Variants in KCNN2 observed in about 807,000 individuals in gnomAD.
The protein encoded by KCNN2 is small conductance calcium-activated potassium channel protein 2.
KCNN2 carries 24 observed loss-of-function variants against 55.5 expected under a neutral mutation model. The ratio of observed to expected loss-of-function variants is 0.43; its 90% CI spans 0.31 to 0.61. The LOEUF (loss-of-function observed/expected upper bound fraction) is 0.61, where lower values mean the gene tolerates loss of function less well. Among genes scored for constraint, KCNN2 ranks in the 20% least tolerant of loss-of-function variants. KCNN2 has a pLI of 0.08. For synonymous variants in KCNN2, 431 were observed against 336.1 expected (o/e 1.28, Z -3.09); for missense variants, 754 against 853.6 (o/e 0.88, Z 1.45).
At chr5:114,468,069 C>T (rs1202607237) in intron 4 of KCNN2, among the ~76,000 whole-genome samples, 1 of 152,178 alleles carries the variant, frequency 6.6e-6, no homozygotes, top group Non-Finnish European at 1.5e-5. Flanking sequence ...ACACTCTCCC[C>T]TCTTTTCTTA....
chr5:114,160,696 G>T (rs1374022686), intron 1 of KCNN2, among the ~76,000 whole-genome samples: 1 of 152,078 alleles, frequency 6.6e-6, no homozygotes, highest in Non-Finnish European at 1.5e-5. Flanking sequence ...TCCTGTATTG[G>T]GTGCATATAT....
chr5:114,236,897 T>C (rs1480019637), intron 2 of KCNN2, among the ~76,000 whole-genome samples: 3 of 152,174 alleles, frequency 2.0e-5, no homozygotes, highest in Non-Finnish European at 4.4e-5. Context: ...TCATAGTACT[T>C]AGCTAAGATT....
rs556901858 is a variant in KCNN2 at position 114,417,846 on chromosome 5, C to G, written c.1637+12990C>G. Among the ~76,000 whole-genome samples the G allele has an allele frequency of 3.3e-4, 50 of 152,284 alleles. 1 individual carries two copies. In the South Asian group the frequency reaches 9.9e-3, roughly 30 times the overall value. ...GTACAAAAGCCTTATCTGAATCAAG[C>G]TCCTCAATGGTAAAAGGTGTATTTG... On this transcript the variant is annotated intron_variant, in intron 3 of 7. Transcript: ENST00000673685.
intron 1 of KCNN2, among the ~76,000 whole-genome samples, chr5:114,098,251 G>C (rs902593571): frequency 1.3e-5 from 2 of 152,012 alleles, no homozygotes; most frequent in Non-Finnish European, 2.9e-5. Flanking sequence ...TATCTGCAAA[G>C]TCCCTTTTAC....
chr5:114,361,890 C>T (rs36945), upstream of KCNN2: 68,646 of 152,932 alleles, frequency 0.45, 16,139 homozygotes, highest in East Asian at 0.86. Flanking sequence ...CTGCAGATTC[C>T]CCTCCCCATC....
intron 3 of KCNN2, among the ~76,000 whole-genome samples, chr5:114,459,201 G>A (rs1456714991): frequency 6.6e-6 from 1 of 152,206 alleles, no homozygotes; most frequent in African/African-American, 2.4e-5. Context: ...TCTGAAGCAT[G>A]CAGTTCATGC....
intron 2 of KCNN2, among the ~76,000 whole-genome samples, chr5:114,296,796 T>C (rs1048763383): frequency 2.6e-5 from 4 of 152,234 alleles, no homozygotes; most frequent in African/African-American, 9.6e-5. Context: ...TGTTTTTAAT[T>C]TTTGAGAAAC....
At chr5:114,104,396 G>A (rs1030934981) in intron 1 of KCNN2, among the ~76,000 whole-genome samples, 4 of 151,786 alleles carry the variant, frequency 2.6e-5, no homozygotes, top group African/African-American at 7.3e-5. Flanking sequence ...TTCATTTTTT[G>A]AAGGGTCTTT....
intron 1 of KCNN2, among the ~76,000 whole-genome samples, chr5:114,063,876 T>A (rs369422986): frequency 1.2e-4 from 18 of 152,234 alleles, no homozygotes; most frequent in Admixed American, 3.9e-4. Flanking sequence ...AGTCTAACTT[T>A]TAAACTCCTG....
intron 3 of KCNN2, among the ~76,000 whole-genome samples, chr5:114,418,750 C>T (rs1759382011): frequency 6.6e-6 from 1 of 152,190 alleles, no homozygotes; most frequent in Admixed American, 6.5e-5. Context: ...TTAGGTCCTG[C>T]TGTGCATTTA....
chr5:114,264,428 A>T (rs906477950), intron 2 of KCNN2, among the ~76,000 whole-genome samples: 1 of 152,204 alleles, frequency 6.6e-6, no homozygotes, highest in Non-Finnish European at 1.5e-5. Context: ...ACAGAAAGTC[A>T]TGAAATATAA....
chr5:114,064,989 T>C lies in KCNN2; in HGVS notation c.-271+8489T>C, dbSNP rs565240823. Among the ~76,000 whole-genome samples the C allele has an allele frequency of 7.2e-5, 11 of 152,132 alleles. No homozygotes were observed. In the South Asian group the frequency reaches 2.3e-3, roughly 32 times the overall value. ...GCTGTTCAACCCCAGAGAATCAGGA[T>C]GAACAAGACAAGATAAAATTTGATG... On this transcript the variant is annotated intron_variant, in intron 1 of 10. Transcript: ENST00000512097.
chr5:114,218,170 T>A (rs1353099024), intron 1 of KCNN2, among the ~76,000 whole-genome samples: 4 of 152,214 alleles, frequency 2.6e-5, no homozygotes, highest in African/African-American at 9.6e-5. Flanking sequence ...TGGAAGACAG[T>A]TTACTGGCTT....
chr5:114,168,685 G>T (rs1447461319), intron 1 of KCNN2, among the ~76,000 whole-genome samples: 1 of 152,042 alleles, frequency 6.6e-6, no homozygotes, highest in African/African-American at 2.4e-5. Flanking sequence ...ACATGTTGTG[G>T]TCTGTTCTGC....
intron 2 of KCNN2, among the ~76,000 whole-genome samples, chr5:114,369,684 G>C (rs1246563205): frequency 6.6e-6 from 1 of 152,122 alleles, no homozygotes; most frequent in African/African-American, 2.4e-5. Context: ...TGTATACACT[G>C]TAGTAACGAA....
intron 1 of KCNN2, among the ~76,000 whole-genome samples, chr5:114,202,515 AT>A (rs1321248622): frequency 4.0e-5 from 5 of 123,872 alleles, no homozygotes; most frequent in African/African-American, 1.5e-4. Context: ...ATATATATAT[AT>A]AGCCTAATGT....
At chr5:114,289,790 CA>C (rs1340317707) in intron 2 of KCNN2, among the ~76,000 whole-genome samples, 1 of 152,140 alleles carries the variant, frequency 6.6e-6, no homozygotes, top group African/African-American at 2.4e-5. Context: ...AATAGTAAAT[CA>C]TTAACATGGG....
intron 2 of KCNN2, among the ~76,000 whole-genome samples, chr5:114,294,354 A>G (rs1403676657): frequency 5.9e-5 from 9 of 151,570 alleles, no homozygotes; most frequent in Admixed American, 2.0e-4. Context: ...CCCTCTACAC[A>G]CTGCTTTGAA....
intron 3 of KCNN2, among the ~76,000 whole-genome samples, chr5:114,456,776 G>C (rs555171087): frequency 6.6e-6 from 1 of 152,198 alleles, no homozygotes; most frequent in Non-Finnish European, 1.5e-5. Context: ...TTCAACAGAA[G>C]AAGTAGCTGC....
Sources: allele counts gnomAD v4.1 joint callset (sites outside exome capture counted in the v4.1 genomes callset), GRCh38; gene constraint gnomAD v4.1.1; transcripts MANE v1.5; gene names NCBI Gene and HGNC (gene_info 2026-07-23, HGNC 2026-07-21).